SLC5A9: variants seen among roughly 807,000 people sequenced by gnomAD.
SLC5A9 encodes the protein sodium/glucose cotransporter 4.
A neutral mutation model predicts 70.9 loss-of-function variants in SLC5A9; 59 were observed. That is an observed-to-expected ratio of 0.83 (90% CI 0.68 to 1.03). The LOEUF (loss-of-function observed/expected upper bound fraction) is 1.03, where lower values mean the gene tolerates loss of function less well. SLC5A9 is among the 50% of genes least tolerant of loss of function. The pLI is 0.00. For synonymous variants in SLC5A9, 340 were observed against 346.5 expected (o/e 0.98, Z 0.21); for missense variants, 832 against 881.1 (o/e 0.94, Z 0.71).
chr1:48,235,885 C>G lies in SLC5A9; in HGVS notation c.1292+6C>G. 6.2e-7 allele frequency: 1 copy of G among 1,614,096 alleles called. No individual in the cohort carries two copies. Among genetic ancestry groups the G allele is most frequent in the South Asian group, 1.1e-5 (1 of 91,080 alleles). ...GAGCTGATGGTGGTGGGCAGGTGCG[C>G]CGGCCCCTCCTTCCCTCCTTCCGAA... On this transcript the variant is annotated splice_donor_region_variant and intron_variant, in intron 10 of 13. Coordinates refer to ENST00000438567, the MANE Select transcript of SLC5A9 (RefSeq NM_001011547.3).
At chr1:48,224,603 A>G in intron 1 of SLC5A9, 121 bp from the exon 2 acceptor site, 1 of 928,440 alleles carries the variant, frequency 1.1e-6, no homozygotes, top group Non-Finnish European at 1.7e-6. Context: ...CTTCTGCCTC[A>G]GTTTTCACCC....
intron 1 of SLC5A9, 53 bp downstream of exon 1, chr1:48,222,951 G>C (rs1644093178): frequency 6.3e-7 from 1 of 1,592,484 alleles, no homozygotes; most frequent in African/African-American, 1.3e-5. Context: ...TGGTCTCTCA[G>C]CTTGGGTGGG....
In SLC5A9 at chr1:48,244,862, G is replaced by GTA. The variant is rs1244178813; in HGVS notation, c.1837+2248_1837+2249dup. 1.5e-3 allele frequency among the ~76,000 whole-genome samples: 21 copies of GTA among 14,440 alleles called. 4 individuals are homozygous for GTA. The highest frequency in any genetic ancestry group is 2.6e-3 in the Non-Finnish European group (20 of 7,600). 9.5% of individuals were successfully genotyped at this position (14,440 alleles called of 152,430 possible). A position where few individuals can be genotyped will look rare whatever the true frequency, so the allele number is the denominator to read the frequency against. On this transcript the variant is annotated intron_variant, in intron 13 of 13. Transcript: ENST00000438567. Reference sequence around the variant, plus strand: ...TTATATATATAAAACCTGTGTGTGTGTATGTATGTGTATGTGTATATATAT... The same window carrying GTA: ...TTATATATATAAAACCTGTGTGTGTGTATATGTATGTGTATGTGTATATATAT...
chr1:48,230,689 C>T lies in SLC5A9; in HGVS notation c.594C>T (p.Ala198=), dbSNP rs754943451. The T allele has an allele frequency of 2.0e-5, 33 of 1,612,736 alleles. No individual in the cohort carries two copies. Among genetic ancestry groups the T allele is most frequent in the African/African-American group, 5.3e-5 (4 of 74,834 alleles). ...LSTGILLVVT[A]VYTIAGGLMA... is the part of the protein sequence containing the mutation. The stretch of plus-strand genomic sequence containing the variant: ...CAGGGATCCTGCTGGTGGTGACTGC[C>T]GTCTACACCATTGCAGGTAGGCAGA... The change falls in exon 5 of 14, where the codon GCC becomes GCT. Residue 198 remains alanine (A), a synonymous_variant. Coordinates refer to ENST00000438567, the MANE Select transcript of SLC5A9 (RefSeq NM_001011547.3).
chr1:48,224,702 A>G (rs369128221), intron 1 of SLC5A9, 22 bp from the exon 2 acceptor site: 5 of 1,611,940 alleles, frequency 3.1e-6, no homozygotes, highest in Non-Finnish European at 3.4e-6. Flanking sequence ...AGAAATCCTC[A>G]TCTCATCTAT....
intron 11 of SLC5A9, chr1:48,238,404 C>T (rs1370414978): frequency 6.6e-6 from 1 of 152,408 alleles, no homozygotes; most frequent in Non-Finnish European, 1.5e-5. Flanking sequence ...TACAAGGGCT[C>T]CTGCACTTGC....
chr1:48,237,361 T>G (rs1393553162), intron 10 of SLC5A9, among the ~76,000 whole-genome samples: 484 of 95,544 alleles, frequency 5.1e-3, no homozygotes, highest in African/African-American at 8.6e-3. Flanking sequence ...TTGACTGGGG[T>G]GGGGGGTGGG....
intron 13 of SLC5A9, among the ~76,000 whole-genome samples, chr1:48,244,872 G>GTGTATATATATA (rs1553132185): frequency 4.3e-4 from 4 of 9,318 alleles, no homozygotes; most frequent in African/African-American, 8.5e-4. Context: ...GTATGTATGT[G>GTGTATATATATA]TATGTGTATA....
chr1:48,243,234 A>C (rs1421429155), intron 13 of SLC5A9, among the ~76,000 whole-genome samples: 1 of 152,146 alleles, frequency 6.6e-6, no homozygotes, highest in Non-Finnish European at 1.5e-5. Flanking sequence ...ATAGTAATAC[A>C]GAAGCGTGGT....
intron 4 of SLC5A9, among the ~76,000 whole-genome samples, chr1:48,229,945 G>T (rs903387487): frequency 2.0e-5 from 3 of 152,132 alleles, no homozygotes; most frequent in African/African-American, 7.2e-5. Flanking sequence ...CCCTGTAACA[G>T]GTTCACAAAA....
Position 48,226,338 on chromosome 1 carries a change from C to T in SLC5A9, c.234+1543C>T, listed in dbSNP as rs140290982. Among the ~76,000 whole-genome samples the T allele has an allele frequency of 8.5e-5, 13 of 152,274 alleles. No homozygotes were observed. In the East Asian group the frequency reaches 1.9e-3, roughly 23 times the overall value. ...ATTGTCTGGTCAACCCACAGAGAGC[C>T]GAGCTCTGGCCCAACGATTAGTGTG... On this transcript the variant is annotated intron_variant, in intron 2 of 13. Coordinates refer to ENST00000438567, the MANE Select transcript of SLC5A9 (RefSeq NM_001011547.3).
chr1:48,238,120 G>A (rs1644352294), intron 11 of SLC5A9, among the ~76,000 whole-genome samples: 1 of 152,202 alleles, frequency 6.6e-6, no homozygotes, highest in African/African-American at 2.4e-5. Context: ...TAGTTACAAA[G>A]TATGCTGGCT....
At position 48,244,866 on chromosome 1, in the gene SLC5A9, GTA is replaced by G. The variant is rs1416549197; in HGVS notation, c.1837+2252_1837+2253del. Reference sequence around the variant, plus strand: ...ATATATAAAACCTGTGTGTGTGTATGTATGTGTATGTGTATATATATATATAT... The same window carrying G: ...ATATATAAAACCTGTGTGTGTGTATGTGTGTATGTGTATATATATATATAT... On this transcript the variant is annotated intron_variant, in intron 13 of 13. Coordinates refer to ENST00000438567, the MANE Select transcript of SLC5A9 (RefSeq NM_001011547.3). Among the ~76,000 whole-genome samples, 79 of 11,804 alleles carry G rather than the reference GTA, an allele frequency of 6.7e-3. 8 individuals carry two copies. The highest frequency in any genetic ancestry group is 0.028 in the African/African-American group (76 of 2,762). 7.7% of individuals were successfully genotyped at this position (11,804 alleles called of 152,430 possible).
chr1:48,247,232 C>G (rs892687675), intron 13 of SLC5A9, 103 bp from the exon 14 acceptor site: 18 of 1,064,798 alleles, frequency 1.7e-5, no homozygotes, highest in Non-Finnish European at 2.4e-5. Flanking sequence ...ATCAGTATCT[C>G]ACCATCTCTC....
chr1:48,232,605 T>C (rs1644265724), intron 8 of SLC5A9, 103 bp downstream of exon 8: 2 of 1,462,988 alleles, frequency 1.4e-6, no homozygotes, highest in Admixed American at 1.9e-5. Flanking sequence ...AGAGCAGGGG[T>C]TGGCAAGGTT....
At position 48,229,442 on chromosome 1, in the gene SLC5A9, A is replaced by G. The variant is rs200484428; in HGVS notation, c.487A>G (p.Ile163Val). ...YMSVLSLILY[I>V]FTKISTDIFS... ...GTCTGTCCTGTCTCTCATCCTCTACATCTTCACCAAGATCTCGGTAGGTGT... is the reference window on the plus strand; with the variant it reads ...GTCTGTCCTGTCTCTCATCCTCTACGTCTTCACCAAGATCTCGGTAGGTGT... Residue 163 changes from isoleucine (I) to valine (V), a missense_variant, in exon 4 of 14, where the codon ATC becomes GTC. Ile to Val is a conservative substitution (Grantham distance 29, BLOSUM62 3). Coordinates refer to ENST00000438567, the MANE Select transcript of SLC5A9 (RefSeq NM_001011547.3). The G allele has an allele frequency of 3.0e-5, 49 of 1,613,712 alleles. No individual in the cohort carries two copies. In the Admixed American group the frequency reaches 7.7e-4, roughly 25 times the overall value.
intron 6 of SLC5A9, 54 bp from the exon 7 acceptor site, chr1:48,231,892 G>A (rs1644252890): frequency 2.5e-6 from 4 of 1,607,762 alleles, no homozygotes; most frequent in South Asian, 1.1e-5. Context: ...TGGGCTTGCT[G>A]AGTGACAGGC....
intron 12 of SLC5A9, among the ~76,000 whole-genome samples, chr1:48,241,685 A>G (rs1410798713): frequency 6.6e-6 from 1 of 151,352 alleles, no homozygotes; most frequent in Non-Finnish European, 1.5e-5. Flanking sequence ...ACATCATCAT[A>G]TTTGTGTGTG....
At position 48,245,077 on chromosome 1, in the gene SLC5A9, T is replaced by TTATA. The variant is rs56697202; in HGVS notation, c.1838-2241_1838-2238dup. Among the ~76,000 whole-genome samples, 572 of 140,456 alleles carry TTATA rather than the reference T, an allele frequency of 4.1e-3. 1 individual carries two copies. Among genetic ancestry groups the TTATA allele is most frequent in the African/African-American group, 0.011 (415 of 38,456 alleles). 92.1% of individuals were successfully genotyped at this position (140,456 alleles called of 152,430 possible). ...AAGTCTCTTCCTTTTCCTGAGACTT[T>TTATA]TATATATATATATATATATAAAACT... On this transcript the variant is annotated intron_variant, in intron 13 of 13. Coordinates refer to ENST00000438567, the MANE Select transcript of SLC5A9 (RefSeq NM_001011547.3).
Sources: allele counts gnomAD v4.1 joint callset (sites outside exome capture counted in the v4.1 genomes callset), GRCh38; gene constraint gnomAD v4.1.1; transcripts MANE v1.5; gene names NCBI Gene and HGNC (gene_info 2026-07-23, HGNC 2026-07-21).